Variants in SGK1 observed in about 807,000 individuals in gnomAD.
The protein encoded by SGK1 is serine/threonine-protein kinase Sgk1.
A neutral mutation model predicts 64.2 loss-of-function variants in SGK1; 26 were observed. That is an observed-to-expected ratio of 0.40 (90% CI 0.30 to 0.56). SGK1 has a LOEUF of 0.56. SGK1 is among the 20% of genes least tolerant of loss of function. The pLI is 0.38. For missense variants in SGK1, 519 were observed against 645.6 expected (o/e 0.80, Z 2.12); for synonymous variants, 265 against 239.7 (o/e 1.11, Z -0.98).
chr6:134,173,227 A>T (rs1274334439), intron 7 of SGK1, 47 bp downstream of exon 7: 2 of 1,610,498 alleles, frequency 1.2e-6, no homozygotes, highest in African/African-American at 2.7e-5. Context: ...AAGATTATTC[A>T]AGGAGTGTCT....
chr6:134,306,295 T>C (rs1777534120), intron 1 of SGK1, among the ~76,000 whole-genome samples: 1 of 151,912 alleles, frequency 6.6e-6, no homozygotes, highest in Non-Finnish European at 1.5e-5. Context: ...TGATGGTGCA[T>C]GCCTGTAATG....
chr6:134,181,329 G>A (rs919924598), intron 3 of SGK1, among the ~76,000 whole-genome samples: 12 of 151,870 alleles, frequency 7.9e-5, no homozygotes, highest in African/African-American at 2.4e-4. Context: ...AGTCTCTCCC[G>A]TTTGTTTTCT....
chr6:134,177,860 A>G, intron 3 of SGK1: 2 of 1,583,970 alleles, frequency 1.3e-6, no homozygotes, highest in Non-Finnish European at 1.7e-6. Context: ...CTGTTCTGTT[A>G]TGAACCCCAC....
intron 2 of SGK1, 183 bp downstream of exon 2, chr6:134,261,750 T>C (rs1776768966): frequency 1.6e-6 from 1 of 630,756 alleles, no homozygotes; most frequent in Non-Finnish European, 2.8e-6. Context: ...CTCTAAAATA[T>C]AAAGCCTACT....
chr6:134,298,186 AGCCCCT>A (rs1457895313), intron 1 of SGK1: 1 of 1,460,180 alleles, frequency 6.8e-7, no homozygotes, highest in Non-Finnish European at 9.5e-7. Context: ...CATCCTCACC[AGCCCCT>A]GCATGTTGCC....
chr6:134,314,823 A>G (rs770559273), intron 1 of SGK1, among the ~76,000 whole-genome samples: 8 of 146,838 alleles, frequency 5.4e-5, no homozygotes, highest in Non-Finnish European at 1.0e-4. Flanking sequence ...AAATCTATTC[A>G]TAGTTTAATG....
At chr6:134,303,522 A>T (rs9373090) in intron 1 of SGK1, among the ~76,000 whole-genome samples, 28,678 of 152,022 alleles carry the variant, frequency 0.19, 3,546 homozygotes, top group East Asian at 0.54. Context: ...AGGAGTCCTT[A>T]ATGTTCTTCT....
At chr6:134,309,621 C>T (rs1255403826) in intron 1 of SGK1, among the ~76,000 whole-genome samples, 5 of 152,228 alleles carry the variant, frequency 3.3e-5, no homozygotes, top group East Asian at 1.9e-4. Context: ...AGAGACACTG[C>T]GTATCCCTTC....
chr6:134,175,032 G>T (rs1314807441), intron 3 of SGK1: 2 of 791,094 alleles, frequency 2.5e-6, no homozygotes, highest in Non-Finnish European at 3.6e-6. Context: ...TGTCCCCATT[G>T]AGAGGGCGAG....
At chr6:134,208,362 C>T (rs567927776) in intron 2 of SGK1, among the ~76,000 whole-genome samples, 1 of 152,092 alleles carries the variant, frequency 6.6e-6, no homozygotes, top group Non-Finnish European at 1.5e-5. Context: ...TGAGCATTTT[C>T]TGTCAGGTAT....
At chr6:134,204,162 C>G (rs1775729619) in intron 3 of SGK1, among the ~76,000 whole-genome samples, 2 of 151,116 alleles carry the variant, frequency 1.3e-5, no homozygotes, top group Non-Finnish European at 2.9e-5. Context: ...AAAGACAATT[C>G]TACCACTAGA....
intron 2 of SGK1, among the ~76,000 whole-genome samples, chr6:134,208,490 G>A (rs972231937): frequency 3.3e-5 from 5 of 151,964 alleles, no homozygotes; most frequent in African/African-American, 1.2e-4. Flanking sequence ...CCCAAGCAGT[G>A]TACACTGTAC....
At chr6:134,277,601 G>A (rs1321459808) in intron 1 of SGK1, among the ~76,000 whole-genome samples, 1 of 152,008 alleles carries the variant, frequency 6.6e-6, no homozygotes, top group East Asian at 1.9e-4. Context: ...GAGTGGAAAT[G>A]CCATCCTACA....
chr6:134,279,795 G>T (rs1366274698), intron 1 of SGK1, among the ~76,000 whole-genome samples: 3 of 152,096 alleles, frequency 2.0e-5, no homozygotes, highest in African/African-American at 7.2e-5. Flanking sequence ...ATCAGGTATT[G>T]GTTCTACATA....
At chr6:134,259,995 T>G (rs1776739878) in intron 2 of SGK1, 1 of 152,196 alleles carries the variant, frequency 6.6e-6, no homozygotes, top group Non-Finnish European at 1.5e-5. Flanking sequence ...TATATTTGCA[T>G]GGCATTCTAT....
chr6:134,288,567 T>A (rs545920450), intron 1 of SGK1, among the ~76,000 whole-genome samples: 1 of 152,106 alleles, frequency 6.6e-6, no homozygotes, highest in African/African-American at 2.4e-5. Context: ...TCCTCAGAGG[T>A]CTCTGAACAA....
At chr6:134,206,420 G>A (rs1263274784) in intron 3 of SGK1, among the ~76,000 whole-genome samples, 8 of 126,364 alleles carry the variant, frequency 6.3e-5, no homozygotes, top group African/African-American at 2.4e-4. Flanking sequence ...ATGACAGGCA[G>A]GTAATGTGCA....
chr6:134,200,316 A>G lies in SGK1; in HGVS notation c.361+7040T>C, dbSNP rs147653820. On this transcript the variant is annotated intron_variant, in intron 3 of 13. Coordinates refer to ENST00000367858, the MANE Select transcript of SGK1 (RefSeq NM_001143676.3). Reference sequence around the variant, plus strand: ...CTCTATTTTTCATTTTTTCCCTATGATGAGCATATGCCACTTTTATGTTAT... The same window carrying G: ...CTCTATTTTTCATTTTTTCCCTATGGTGAGCATATGCCACTTTTATGTTAT... Among the ~76,000 whole-genome samples, 546 of 152,290 alleles carry G rather than the reference A, an allele frequency of 3.6e-3. 4 individuals are homozygous for G. Among genetic ancestry groups the G allele is most frequent in the African/African-American group, 9.5e-3 (393 of 41,566 alleles).
At chr6:134,292,778 C>T (rs1193868446) in intron 1 of SGK1, among the ~76,000 whole-genome samples, 1 of 152,182 alleles carries the variant, frequency 6.6e-6, no homozygotes, top group Non-Finnish European at 1.5e-5. Context: ...CCTTAAAACA[C>T]TTAAGCTAGT....
Sources: allele counts gnomAD v4.1 joint callset (sites outside exome capture counted in the v4.1 genomes callset), GRCh38; gene constraint gnomAD v4.1.1; transcripts MANE v1.5; gene names NCBI Gene and HGNC (gene_info 2026-07-23, HGNC 2026-07-21).